Variants in ADGRF5 observed in about 807,000 individuals in gnomAD.
ADGRF5 encodes G-protein coupled receptor 116.
ADGRF5 carries 75 observed loss-of-function variants against 132.3 expected under a neutral mutation model. The observed-to-expected ratio is 0.57, with a 90% CI of 0.47 to 0.69. The LOEUF is 0.69. Ranked by LOEUF, ADGRF5 falls within the 30% of genes least tolerant of loss-of-function variation. The pLI, the probability that ADGRF5 is intolerant of heterozygous loss-of-function variation, is 0.00. For missense variants in ADGRF5, 1,516 were observed against 1,630.6 expected (o/e 0.93, Z 1.21); for synonymous variants, 629 against 597.6 (o/e 1.05, Z -0.77).
rs533073470 is a variant in ADGRF5, at chr6:46,941,609, G to A, written c.-25+13125C>T. ...GCTGTCAAGCTGTCCAGGTGATTCT[G>A]ATGTGCACAAATGTTTAATAACCAC... is the stretch of plus-strand genomic sequence containing the variant. On this transcript the variant is annotated intron_variant, in intron 1 of 20. Coordinates refer to the ADGRF5 transcript ENST00000265417. Among the ~76,000 whole-genome samples, 6 of 151,484 alleles carry A rather than the reference G, an allele frequency of 4.0e-5. No individual in the cohort carries two copies. In the South Asian group the frequency reaches 1.3e-3, roughly 32 times the overall value.
rs188597534 is a variant in ADGRF5, at chr6:46,857,037, C to T, written c.3775-129G>A. The T allele has an allele frequency of 3.6e-3, 2,595 of 721,064 alleles. 5 individuals are homozygous for T. Among genetic ancestry groups the T allele is most frequent in the Non-Finnish European group, 4.4e-3 (1,782 of 406,490 alleles). 44.7% of individuals were successfully genotyped at this position (721,064 alleles called of 1,614,324 possible). On this transcript the variant is annotated intron_variant, in intron 17 of 20. Transcript: ENST00000283296. ...TTCCTTCTGAGTTTATGGAATGAGTCCAGTACATGATACTGTTCAAAGACA... is the reference window on the plus strand; with the variant it reads ...TTCCTTCTGAGTTTATGGAATGAGTTCAGTACATGATACTGTTCAAAGACA...
intron 15 of ADGRF5, among the ~76,000 whole-genome samples, 163 bp from the exon 16 acceptor site, chr6:46,861,057 C>G (rs534330185): frequency 2.6e-4 from 39 of 152,128 alleles, no homozygotes; most frequent in Non-Finnish European, 5.3e-4. Flanking sequence ...CTTAAGCACT[C>G]CATGCATGCT....
chr6:46,926,565 G>C (rs147949757), upstream of ADGRF5, among the ~76,000 whole-genome samples: 2 of 152,042 alleles, frequency 1.3e-5, no homozygotes, highest in Non-Finnish European at 2.9e-5. Flanking sequence ...ATCTATCCTC[G>C]GGGAGCGCTG....
intron 1 of ADGRF5, among the ~76,000 whole-genome samples, chr6:46,921,474 G>T (rs975570874): frequency 6.6e-6 from 1 of 152,044 alleles, no homozygotes; most frequent in Admixed American, 6.5e-5. Context: ...ATCCCAGCTA[G>T]TTGCTTGATA....
Position 46,858,511 on chromosome 6 carries a change from G to A in ADGRF5, c.3392C>T (p.Ala1131Val). The change falls in exon 17 of 21, where the codon GCC (alanine) becomes GTC (valine). Residue 1131 changes from alanine (A) to valine (V), a missense_variant. This residue lies in a region of ADGRF5 where 571 missense variants were observed against 701.2 expected (regional missense o/e 0.81). Coordinates refer to ENST00000283296, the MANE Select transcript of ADGRF5 (RefSeq NM_001098518.2). ...ETSRSTQKAIAFCLGYGCPLA... is the reference protein window; with the variant it reads ...ETSRSTQKAIVFCLGYGCPLA... Reference sequence around the variant, plus strand: ...TGGGCAGCCATAGCCAAGACAGAAGGCAATGGCTTTCTGAGTGGACCTGCT... The same window carrying A: ...TGGGCAGCCATAGCCAAGACAGAAGACAATGGCTTTCTGAGTGGACCTGCT... The A allele has an allele frequency of 6.2e-7, 1 of 1,613,892 alleles. No homozygotes were observed. Among genetic ancestry groups the A allele is most frequent in the South Asian group, 1.1e-5 (1 of 91,070 alleles).
Position 46,866,924 on chromosome 6 carries a change from C to G in ADGRF5, c.1834+1G>C. The stretch of plus-strand genomic sequence containing the variant: ...TAACAATTCAGCAATCAGCATCTTA[C>G]CAGCAGGAAGGGATGAGGAACCCGT... On this transcript the variant is annotated splice_donor_variant, in intron 13 of 20. Transcript: ENST00000283296. LOFTEE classifies it high-confidence loss of function. 1 of 1,575,238 alleles carries G rather than the reference C, an allele frequency of 6.3e-7. No homozygotes were observed. Among genetic ancestry groups the G allele is most frequent in the Non-Finnish European group, 8.7e-7 (1 of 1,144,504 alleles).
intron 1 of ADGRF5, among the ~76,000 whole-genome samples, chr6:46,933,533 T>G (rs1197169072): frequency 1.3e-5 from 2 of 152,198 alleles, no homozygotes; most frequent in African/African-American, 2.4e-5. Flanking sequence ...ACCGACCTAG[T>G]TGGCCTGGTG....
In ADGRF5 at chr6:46,883,748, G is replaced by A; in HGVS notation, c.506-83C>T. The A allele has an allele frequency of 5.2e-6, 4 of 768,190 alleles. No homozygotes were observed. In the South Asian group the frequency reaches 5.7e-5, roughly 11 times the overall value. 47.6% of individuals were successfully genotyped at this position (768,190 alleles called of 1,614,324 possible). ...CCAGAAACATTTGTAAGCTGTTTTTGTTTGTTTGTTTCAGATGGAGTCTCC... is the reference window on the plus strand; with the variant it reads ...CCAGAAACATTTGTAAGCTGTTTTTATTTGTTTGTTTCAGATGGAGTCTCC... On this transcript the variant is annotated intron_variant, in intron 5 of 20. Transcript: ENST00000283296.
At chr6:46,936,900 C>T (rs1453813171) in intron 1 of ADGRF5, among the ~76,000 whole-genome samples, 2 of 152,168 alleles carry the variant, frequency 1.3e-5, no homozygotes, top group Non-Finnish European at 2.9e-5. Context: ...TGGTTGTGTT[C>T]CTGCCCTCTA....
rs577543740 is a variant in ADGRF5 at position 46,889,932 on chromosome 6, T to A, written c.158-1427A>T. 2.0e-5 allele frequency among the ~76,000 whole-genome samples: 3 copies of A among 152,004 alleles called. No homozygotes were observed. In the South Asian group the frequency reaches 6.2e-4, roughly 32 times the overall value. ...ATCTGGCAAAGAGCTCACCACATTA[T>A]AAATAAATGACGAATCAATTCTTGT... is the stretch of plus-strand genomic sequence containing the variant. On this transcript the variant is annotated intron_variant, in intron 3 of 20. Transcript: ENST00000283296.
At position 46,859,053 on chromosome 6, in the gene ADGRF5, G is replaced by A. The variant is rs369402264; in HGVS notation, c.2850C>T (p.Gly950=). 4.9e-5 allele frequency: 79 copies of A among 1,614,128 alleles called. No homozygotes were observed. The highest frequency in any genetic ancestry group is 1.6e-4 in the Middle Eastern group (1 of 6,062). The change falls in exon 17 of 21, where the codon GGC becomes GGT. Residue 950 remains glycine, a synonymous_variant. Transcript: ENST00000283296. ...MTFKNNSPSG[G]ETKCVFWNFR... The stretch of plus-strand genomic sequence containing the variant: ...AGTTCCAGAAGACACACTTCGTTTC[G>A]CCGCCTGAAGGGCTATTGTTCTTAA...
At chr6:46,868,526 A>G (rs923818909) in intron 12 of ADGRF5, among the ~76,000 whole-genome samples, 2 of 152,196 alleles carry the variant, frequency 1.3e-5, no homozygotes, top group Non-Finnish European at 1.5e-5. Context: ...AGCTTATAAA[A>G]TCTTTACCTA....
At chr6:46,889,088 G>A (rs1038927870) in intron 3 of ADGRF5, among the ~76,000 whole-genome samples, 1 of 151,136 alleles carries the variant, frequency 6.6e-6, no homozygotes, top group African/African-American at 2.4e-5. Context: ...AATTGTCTCC[G>A]GGTGGTTACC....
intron 14 of ADGRF5, among the ~76,000 whole-genome samples, chr6:46,863,787 G>C (rs191231310): frequency 6.6e-6 from 1 of 152,190 alleles, no homozygotes; most frequent in Admixed American, 6.5e-5. Context: ...TGTTCTACTA[G>C]GAAAAAGAAG....
intron 1 of ADGRF5, among the ~76,000 whole-genome samples, chr6:46,913,118 G>T (rs564924981): frequency 6.6e-6 from 1 of 152,094 alleles, no homozygotes; most frequent in African/African-American, 2.4e-5. Flanking sequence ...GTGGCTAATC[G>T]CCTGAGACAG....
intron 1 of ADGRF5, among the ~76,000 whole-genome samples, chr6:46,951,984 G>A (rs145116101): frequency 6.6e-6 from 1 of 152,336 alleles, no homozygotes; most frequent in Non-Finnish European, 1.5e-5. Context: ...GAATGTGAGT[G>A]CAGAGGCTCT....
chr6:46,891,739 T>C (rs1773665220), intron 3 of ADGRF5, among the ~76,000 whole-genome samples: 1 of 152,128 alleles, frequency 6.6e-6, no homozygotes, highest in African/African-American at 2.4e-5. Context: ...TCACTCCCCA[T>C]TGAAACCAAG....
chr6:46,857,942 G>A (rs1382225835), intron 17 of ADGRF5, among the ~76,000 whole-genome samples, 187 bp downstream of exon 17: 3 of 152,194 alleles, frequency 2.0e-5, no homozygotes, highest in Admixed American at 6.5e-5. Flanking sequence ...TAAAAAGCAT[G>A]AGGTGCCATA....
At chr6:46,914,462 C>T (rs115053532) in intron 1 of ADGRF5, among the ~76,000 whole-genome samples, 297 of 152,066 alleles carry the variant, frequency 2.0e-3, no homozygotes, top group African/African-American at 7.0e-3. Context: ...ATTTTTTTTC[C>T]TATTTAATTT....
Sources: allele counts gnomAD v4.1 joint callset (sites outside exome capture counted in the v4.1 genomes callset), GRCh38; gene constraint gnomAD v4.1.1; regional missense constraint gnomAD v4.1.1; transcripts MANE v1.5; gene names NCBI Gene and HGNC (gene_info 2026-07-23, HGNC 2026-07-21).